The following CERS4 variants were observed in gnomAD, a reference collection of about 807,000 sequenced individuals.
CERS4 encodes the protein LAG1 homolog, ceramide synthase 4.
CERS4 carries 65 observed loss-of-function variants against 51.8 expected under a neutral mutation model. That is an observed-to-expected ratio of 1.26 (90% CI 1.03 to 1.54). The LOEUF is 1.54. Among genes scored for constraint, CERS4 ranks in the 40% most tolerant of loss-of-function variants. The pLI is 0.00. For missense variants in CERS4, 563 were observed against 500.4 expected (o/e 1.13, Z -1.19); for synonymous variants, 228 against 208.4 (o/e 1.09, Z -0.81).
chr19:8,245,113 A>ATAAACAAAACAAAACAAAC (rs1555777208), intron 2 of CERS4, among the ~76,000 whole-genome samples: 1 of 109,106 alleles, frequency 9.2e-6, no homozygotes, highest in Admixed American at 8.9e-5. Flanking sequence ...CTCCATCTCA[A>ATAAACAAAACAAAACAAAC]AAAAAAAAAA....
rs1967614715 is a variant in CERS4 at position 8,222,683 on chromosome 19, A to G, written c.-2+11821A>G. 3.3e-5 allele frequency among the ~76,000 whole-genome samples: 5 copies of G among 151,970 alleles called. No individual in the cohort carries two copies. The South Asian group carries it at 1.0e-3, about 32-fold the overall frequency. ...CTGGCTAATTTTGTATTTTTGGTAG[A>G]GACGGGGTTTCTCCATGTTGGTCAG... On this transcript the variant is annotated intron_variant, in intron 2 of 11. Transcript: ENST00000251363.
In CERS4 at chr19:8,228,401, A is replaced by G. The variant is rs114781428; in HGVS notation, c.-2+17539A>G. On this transcript the variant is annotated intron_variant, in intron 2 of 11. Coordinates refer to ENST00000251363, the MANE Select transcript of CERS4 (RefSeq NM_024552.3). Reference sequence around the variant, plus strand: ...AAATTTTTAAATATGTCAGCCGAGCATGGTGGCTCACACCTATAATCCCAG... The same window carrying G: ...AAATTTTTAAATATGTCAGCCGAGCGTGGTGGCTCACACCTATAATCCCAG... Among the ~76,000 whole-genome samples, 528 of 152,306 alleles carry G rather than the reference A, an allele frequency of 3.5e-3. 4 individuals are homozygous for G. Among genetic ancestry groups the G allele is most frequent in the African/African-American group, 0.012 (506 of 41,586 alleles).
chr19:8,247,727 C>T (rs941463643), intron 2 of CERS4, among the ~76,000 whole-genome samples: 24 of 137,884 alleles, frequency 1.7e-4, no homozygotes, highest in East Asian at 4.3e-4. Context: ...GCCTGACCTC[C>T]GCATCTTTTT....
intron 2 of CERS4, among the ~76,000 whole-genome samples, chr19:8,224,005 G>A (rs1342350523): frequency 6.6e-6 from 1 of 151,490 alleles, no homozygotes; most frequent in Non-Finnish European, 1.5e-5. Context: ...GGGAGGCTGA[G>A]GCAGGAGAAT....
At chr19:8,229,269 G>A (rs1967910815) in intron 2 of CERS4, among the ~76,000 whole-genome samples, 1 of 152,142 alleles carries the variant, frequency 6.6e-6, no homozygotes. Flanking sequence ...AGGCTGCAGT[G>A]AGCTATGATC....
At chr19:8,245,121 A>AAAAAAAC (rs1568523446) in intron 2 of CERS4, among the ~76,000 whole-genome samples, 3 of 146,102 alleles carry the variant, frequency 2.1e-5, no homozygotes, top group African/African-American at 7.6e-5. Flanking sequence ...CAAAAAAAAA[A>AAAAAAAC]AAAAAAAAAA....
In CERS4 at chr19:8,246,703, G is replaced by A. The variant is rs536314047; in HGVS notation, c.-1-4373G>A. On this transcript the variant is annotated intron_variant, in intron 2 of 11. Transcript: ENST00000251363. ...TCAGCTGCCTACTTTGAAATGCATC[G>A]GGAACAAGCAGATAGACTGATGGTG... Among the ~76,000 whole-genome samples, 6 of 152,050 alleles carry A rather than the reference G, an allele frequency of 3.9e-5. No individual in the cohort carries two copies. The East Asian group carries it at 5.8e-4, about 15-fold the overall frequency.
At chr19:8,259,135 A>C (rs1969547155) in intron 10 of CERS4, among the ~76,000 whole-genome samples, 1 of 152,088 alleles carries the variant, frequency 6.6e-6, no homozygotes, top group African/African-American at 2.4e-5. Context: ...CTCTGTCTCT[A>C]AATAAAAAAA....
intron 3 of CERS4, among the ~76,000 whole-genome samples, chr19:8,253,854 CT>C (rs1279589670): frequency 1.3e-5 from 2 of 152,040 alleles, no homozygotes; most frequent in Non-Finnish European, 2.9e-5. Context: ...CCCCAAAGTT[CT>C]GGGATAACAG....
In CERS4 at chr19:8,257,998, TC is replaced by T; in HGVS notation, c.848+16del. On this transcript the variant is annotated intron_variant, in intron 10 of 11. Coordinates refer to ENST00000251363, the MANE Select transcript of CERS4 (RefSeq NM_024552.3). ...TCTTTCCCACCCAGTGAGTCAGCCC[TC>T]CCATGGGGGTCAGGGAGGTGGGAGG... is the stretch of plus-strand genomic sequence containing the variant. 6.3e-7 allele frequency: 1 copy of T among 1,598,586 alleles called. No individual in the cohort carries two copies. The highest frequency in any genetic ancestry group is 8.6e-7 in the Non-Finnish European group (1 of 1,166,410).
chr19:8,252,980 GT>G (rs1969165100), intron 3 of CERS4, among the ~76,000 whole-genome samples: 1 of 152,184 alleles, frequency 6.6e-6, no homozygotes, highest in African/African-American at 2.4e-5. Context: ...CTGAGTTAGG[GT>G]TAGACGAGCC....
intron 2 of CERS4, among the ~76,000 whole-genome samples, chr19:8,218,805 G>A (rs1235954486): frequency 1.3e-5 from 2 of 152,110 alleles, no homozygotes; most frequent in Admixed American, 1.3e-4. Flanking sequence ...CTCCCCACTG[G>A]GGGCCCTTCT....
chr19:8,245,125 A>AACAAACAAAAACAAAAAAACAAC lies in CERS4; in HGVS notation c.-1-5950_-1-5949insCAAACAAAAACAAAAAAACAACA, dbSNP rs1555777253. ...AGACTCCATCTCAAAAAAAAAAAAA[A>AACAAACAAAAACAAAAAAACAAC]AAAAAAAAAACACTCTTGGCTTCAA... On this transcript the variant is annotated intron_variant, in intron 2 of 11. Transcript: ENST00000251363. Among the ~76,000 whole-genome samples, 135 of 150,932 alleles carry AACAAACAAAAACAAAAAAACAAC rather than the reference A, an allele frequency of 8.9e-4. No individual in the cohort carries two copies. The East Asian group carries it at 9.7e-3, about 11-fold the overall frequency.
rs1218766207 is a variant in CERS4 at position 8,262,069 on chromosome 19, T to C, written c.1145T>C (p.Val382Ala). The C allele has an allele frequency of 6.6e-7, 1 of 1,524,272 alleles. No individual in the cohort carries two copies. The allele number at this position is 1,524,272 out of a possible 1,614,324, so 94.4% of individuals were successfully genotyped here. A position where few individuals can be genotyped will look rare whatever the true frequency, so the allele number is the denominator to read the frequency against. Residue 382 changes from valine (V) to alanine (A), a missense_variant, in exon 12 of 12, where the codon GTG becomes GCG. Val to Ala is a moderately conservative substitution (Grantham distance 64). Transcript: ENST00000251363. ...PAPTDGPRSR[V>A]AGRLTNRHTT... ...CCCACTGATGGCCCTCGGAGCCGGGTGGCCGGGCGTCTGACCAACAGGCAC... is the reference window on the plus strand; with the variant it reads ...CCCACTGATGGCCCTCGGAGCCGGGCGGCCGGGCGTCTGACCAACAGGCAC...
rs185625958 is a variant in CERS4 at position 8,259,026 on chromosome 19, C to G, written c.848+1041C>G. Among the ~76,000 whole-genome samples, 90 of 152,004 alleles carry G rather than the reference C, an allele frequency of 5.9e-4. No homozygotes were observed. In the East Asian group the frequency reaches 0.012, roughly 20 times the overall value. On this transcript the variant is annotated intron_variant, in intron 10 of 11. Coordinates refer to ENST00000251363, the MANE Select transcript of CERS4 (RefSeq NM_024552.3). ...GCACACGCCCGTAATCCCAGCTACTCGGGAGGCTAAGGCAGGAGAATCACT... is the reference window on the plus strand; with the variant it reads ...GCACACGCCCGTAATCCCAGCTACTGGGGAGGCTAAGGCAGGAGAATCACT...
At chr19:8,238,240 C>G (rs1314149245) in intron 2 of CERS4, among the ~76,000 whole-genome samples, 2 of 152,142 alleles carry the variant, frequency 1.3e-5, no homozygotes, top group Admixed American at 6.6e-5. Flanking sequence ...GACTTGAATA[C>G]TCCAACCTCC....
rs1206646368 is a variant in CERS4 at position 8,256,227 on chromosome 19, T to G, written c.469-9T>G. 1.2e-6 allele frequency: 2 copies of G among 1,610,744 alleles called. No individual in the cohort carries two copies. Among genetic ancestry groups the G allele is most frequent in the Non-Finnish European group, 1.7e-6 (2 of 1,178,802 alleles). On this transcript the variant is annotated splice_polypyrimidine_tract_variant and intron_variant, in intron 6 of 11. Coordinates refer to ENST00000251363, the MANE Select transcript of CERS4 (RefSeq NM_024552.3). ...ACCTCTGCACAGCCTGACACCCATT[T>G]CCCTGCAGGAGTCATGGCTGTGGGC...
chr19:8,215,003 A>AGGG (rs376591935), intron 2 of CERS4, among the ~76,000 whole-genome samples: 4 of 62,452 alleles, frequency 6.4e-5, no homozygotes, highest in African/African-American at 1.8e-4. Flanking sequence ...GAGAGGGAGG[A>AGGG]GGAGGAGGAG....
intron 2 of CERS4, among the ~76,000 whole-genome samples, chr19:8,241,113 A>G (rs1011713463): frequency 2.0e-5 from 3 of 151,960 alleles, no homozygotes; most frequent in Non-Finnish European, 4.4e-5. Flanking sequence ...CAGCCCAAAC[A>G]CTTCAGCTGC....
Sources: allele counts gnomAD v4.1 joint callset (sites outside exome capture counted in the v4.1 genomes callset), GRCh38; gene constraint gnomAD v4.1.1; transcripts MANE v1.5; gene names NCBI Gene and HGNC (gene_info 2026-07-23, HGNC 2026-07-21).